INSR: variants seen among roughly 807,000 people sequenced by gnomAD.
INSR encodes IR.
INSR carries 67 observed loss-of-function variants against 142.6 expected under a neutral mutation model. That is an observed-to-expected ratio of 0.47 (90% CI 0.39 to 0.58). The LOEUF is 0.58. INSR is among the 20% of genes least tolerant of loss of function. The pLI, the probability that INSR is intolerant of heterozygous loss-of-function variation, is 0.00. For missense variants in INSR, 1,248 were observed against 1,833.2 expected, an observed-to-expected ratio of 0.68 and a Z score of 5.83; for synonymous variants, 756 against 743.1, an observed-to-expected ratio of 1.02 and a Z score of -0.28.
At chr19:7,218,573 C>T (rs897022557) in intron 2 of INSR, among the ~76,000 whole-genome samples, 5 of 152,076 alleles carry the variant, frequency 3.3e-5, no homozygotes, top group Non-Finnish European at 5.9e-5. Flanking sequence ...CGAAGTCTCG[C>T]TCTGTTGCCC....
At chr19:7,252,587 C>T (rs983927759) in intron 2 of INSR, among the ~76,000 whole-genome samples, 4 of 152,152 alleles carry the variant, frequency 2.6e-5, no homozygotes, top group Admixed American at 6.6e-5. Context: ...TAAACAACGC[C>T]GTGCTTCGCA....
At chr19:7,149,546 G>A (rs1973271192) in intron 11 of INSR, among the ~76,000 whole-genome samples, 1 of 152,102 alleles carries the variant, frequency 6.6e-6, no homozygotes, top group Non-Finnish European at 1.5e-5. Context: ...CCCTGGCCAG[G>A]GGCGGTGGCT....
At chr19:7,256,498 C>T (rs1218350293) in intron 2 of INSR, among the ~76,000 whole-genome samples, 1 of 151,658 alleles carries the variant, frequency 6.6e-6, no homozygotes, top group Non-Finnish European at 1.5e-5. Flanking sequence ...CAGTGGCTCA[C>T]ACCTATAATA....
In INSR at chr19:7,142,872, G is replaced by T. The variant is rs770527155; in HGVS notation, c.2486C>A (p.Thr829Asn). Residue 829 changes from threonine to asparagine, a missense_variant, in exon 12 of 22, where the codon ACC (threonine) becomes AAC (asparagine). Thr to Asn is a moderately conservative substitution (Grantham distance 65). Transcript: ENST00000302850. The stretch of plus-strand genomic sequence containing the variant: ...TGCCACACTGCACCGTTCCTCAGGG[G>T]TGTCCTGGTTGCAAGCCTGCAGCTC... Reference protein sequence around the residue: ...RIELQACNQDTPEERCSVAAY... With the variant: ...RIELQACNQDNPEERCSVAAY... 53 of 1,613,972 alleles carry T rather than the reference G, an allele frequency of 3.3e-5. No homozygotes were observed. Among genetic ancestry groups the T allele is most frequent in the Non-Finnish European group, 4.3e-5 (51 of 1,180,038 alleles).
intron 1 of INSR, among the ~76,000 whole-genome samples, chr19:7,291,317 GT>G (rs1413602234): frequency 6.6e-6 from 1 of 152,196 alleles, no homozygotes; most frequent in Non-Finnish European, 1.5e-5. Flanking sequence ...CTCAAGCGAA[GT>G]TTTCTCACTT....
chr19:7,265,811 G>A (rs985123444), intron 2 of INSR, among the ~76,000 whole-genome samples: 1 of 151,900 alleles, frequency 6.6e-6, no homozygotes, highest in South Asian at 2.1e-4. Flanking sequence ...CTTTCTAAGT[G>A]TAAAGTACAG....
intron 3 of INSR, among the ~76,000 whole-genome samples, chr19:7,177,819 T>A (rs1056319040): frequency 1.3e-5 from 2 of 150,674 alleles, no homozygotes; most frequent in Non-Finnish European, 2.9e-5. Context: ...AGTGCTGGGA[T>A]TACAGGTGTG....
intron 2 of INSR, among the ~76,000 whole-genome samples, chr19:7,262,196 C>A (rs370695743): frequency 6.6e-6 from 1 of 152,106 alleles, no homozygotes; most frequent in Non-Finnish European, 1.5e-5. Context: ...TAAGGCTGGG[C>A]GCGGTAGCTC....
At chr19:7,169,265 G>A (rs6510956) in intron 6 of INSR, among the ~76,000 whole-genome samples, 2 of 151,662 alleles carry the variant, frequency 1.3e-5, no homozygotes, top group South Asian at 2.1e-4. Flanking sequence ...TCAGACACAC[G>A]CTATTGTCAA....
intron 10 of INSR, chr19:7,152,525 A>G: frequency 1.5e-6 from 1 of 646,580 alleles, no homozygotes; most frequent in Non-Finnish European, 2.8e-6. Context: ...TTGTGCGATT[A>G]TTTGCTCTTC....
intron 2 of INSR, among the ~76,000 whole-genome samples, chr19:7,210,383 T>C (rs1433367918): frequency 6.8e-6 from 1 of 146,176 alleles, no homozygotes; most frequent in Non-Finnish European, 1.5e-5. Flanking sequence ...CTCCTCTCCA[T>C]AAACAAATTA....
Position 7,116,979 on chromosome 19 carries a change from T to G in INSR, c.*77A>C. 4 of 1,072,956 alleles carry G rather than the reference T, an allele frequency of 3.7e-6. No homozygotes were observed. The highest frequency in any genetic ancestry group is 1.6e-5 in the African/African-American group (1 of 64,208). 66.5% of individuals were successfully genotyped at this position (1,072,956 alleles called of 1,614,324 possible). ...GGACATGGTAGAGTCGTGAGAATCC[T>G]GAGTTTTCCAGAGGCTTTCAAACCA... On this transcript the variant is annotated 3_prime_UTR_variant, in exon 22 of 22. Coordinates refer to ENST00000302850, the MANE Select transcript of INSR (RefSeq NM_000208.4).
In INSR at chr19:7,197,514, GGGGTGTGTGTGTGTGT is replaced by G. The variant is rs991267794; in HGVS notation, c.653-12893_653-12878del. Among the ~76,000 whole-genome samples, 18 of 26,992 alleles carry G rather than the reference GGGGTGTGTGTGTGTGT, an allele frequency of 6.7e-4. 2 individuals are homozygous for G. Among genetic ancestry groups the G allele is most frequent in the African/African-American group, 1.5e-3 (15 of 9,880 alleles). 17.7% of individuals were successfully genotyped at this position (26,992 alleles called of 152,430 possible). On this transcript the variant is annotated intron_variant, in intron 2 of 21. Transcript: ENST00000302850. ...ATTGGCAGGTTCCAGAGTGGGAGTG[GGGGTGTGTGTGTGTGT>G]GTGTGTGTGTGTGTGTCAGGTTCCA...
chr19:7,209,277 G>A (rs530086947), intron 2 of INSR, among the ~76,000 whole-genome samples: 47 of 152,322 alleles, frequency 3.1e-4, no homozygotes, highest in Non-Finnish European at 5.3e-4. Context: ...AGTGAGCTGT[G>A]ATCACACCAC....
chr19:7,151,146 TTTCC>T (rs1568447211), intron 10 of INSR, among the ~76,000 whole-genome samples: 9 of 37,592 alleles, frequency 2.4e-4, no homozygotes, highest in African/African-American at 5.2e-4. Context: ...TCTTTCTCTC[TTTCC>T]TTTCTTTCTT....
intron 19 of INSR, among the ~76,000 whole-genome samples, 196 bp downstream of exon 19, chr19:7,122,417 TG>T (rs1486688776): frequency 5.3e-5 from 8 of 151,628 alleles, no homozygotes; most frequent in African/African-American, 1.9e-4. Context: ...CACTCCAGCC[TG>T]GGCAACAGAC....
At chr19:7,248,552 C>T (rs1976605761) in intron 2 of INSR, among the ~76,000 whole-genome samples, 1 of 131,536 alleles carries the variant, frequency 7.6e-6, no homozygotes, top group Non-Finnish European at 1.6e-5. Context: ...GAAGAAGTGG[C>T]AACTGAAAGA....
At chr19:7,195,927 C>CTTTTTTTTTT (rs766101939) in intron 2 of INSR, among the ~76,000 whole-genome samples, 1 of 99,828 alleles carries the variant, frequency 1.0e-5, no homozygotes, top group African/African-American at 4.4e-5. Context: ...TCTTTCTTTT[C>CTTTTTTTTTT]TTTCTTTTTT....
intron 3 of INSR, among the ~76,000 whole-genome samples, chr19:7,178,996 G>A (rs753986596): frequency 7.2e-5 from 11 of 152,116 alleles, no homozygotes; most frequent in Non-Finnish European, 1.5e-4. Context: ...CTGCAGCCTC[G>A]AACTCCTGGG....
Sources: gnomAD v4.1 joint callset for allele counts (sites outside exome capture counted in the v4.1 genomes callset) on GRCh38, gnomAD v4.1.1 for gene constraint, MANE v1.5 for transcripts, NCBI Gene and HGNC (gene_info 2026-07-23, HGNC 2026-07-21) for gene names.